The following ANK2 variants were observed in gnomAD, a reference collection of about 807,000 sequenced individuals.
ANK2 encodes ankyrin-2.
A neutral mutation model predicts 360.5 loss-of-function variants in ANK2; 83 were observed. That is an observed-to-expected ratio of 0.23 (90% confidence interval 0.19 to 0.28). The LOEUF is 0.28. Ranked by LOEUF, ANK2 falls within the 10% of genes least tolerant of loss-of-function variation. ANK2 has a pLI of 1.00. For synonymous variants in ANK2, 1,740 were observed against 1,759.5 expected, an observed-to-expected ratio of 0.99 and a Z score of 0.28; for missense variants, 4,201 against 4,795.7, an observed-to-expected ratio of 0.88 and a Z score of 3.66.
At chr4:113,366,600 T>G (rs964901675) in intron 41 of ANK2, among the ~76,000 whole-genome samples, 3 of 152,000 alleles carry the variant, frequency 2.0e-5, no homozygotes, top group Non-Finnish European at 4.4e-5. Flanking sequence ...TTCTCCTGTT[T>G]CAGGGCCCTG....
chr4:113,175,010 C>T (rs1454116802), intron 2 of ANK2, among the ~76,000 whole-genome samples: 1 of 152,018 alleles, frequency 6.6e-6, no homozygotes, highest in African/African-American at 2.4e-5. Context: ...TCATCATGTC[C>T]ATTTCATAAG....
At chr4:113,190,432 G>A (rs908420772) in intron 2 of ANK2, among the ~76,000 whole-genome samples, 3 of 151,732 alleles carry the variant, frequency 2.0e-5, no homozygotes, top group Non-Finnish European at 4.4e-5. Context: ...TAAATGCTGA[G>A]CTTGGCATGC....
At chr4:112,997,907 A>AT (rs34955779) in intron 2 of ANK2, among the ~76,000 whole-genome samples, 115 of 145,164 alleles carry the variant, frequency 7.9e-4, no homozygotes, top group South Asian at 2.2e-3. Flanking sequence ...ATTTTGGGCT[A>AT]TTTTTTTTTT....
the ANK2 span, among the ~76,000 whole-genome samples, chr4:112,749,893 C>A: frequency 0.59 from 89,317 of 151,488 alleles, 27,050 homozygotes; most frequent in East Asian, 0.92. Context: ...TTACAGGCGC[C>A]CACCACCACG....
intron 36 of ANK2, among the ~76,000 whole-genome samples, chr4:113,349,738 T>C (rs2095272684): frequency 6.6e-6 from 1 of 152,172 alleles, no homozygotes; most frequent in South Asian, 2.1e-4. Flanking sequence ...TCCTACTGAA[T>C]ACTTTCTGGA....
chr4:113,352,488 A>G (rs976532441), intron 37 of ANK2, among the ~76,000 whole-genome samples: 1 of 152,208 alleles, frequency 6.6e-6, no homozygotes, highest in African/African-American at 2.4e-5. Context: ...GTATATTGGT[A>G]GAACTAAACA....
At chr4:113,014,948 C>T (rs369006038) in intron 2 of ANK2, among the ~76,000 whole-genome samples, 10 of 150,524 alleles carry the variant, frequency 6.6e-5, no homozygotes, top group East Asian at 2.0e-4. Context: ...AAGCTCCGCC[C>T]GCCGGGTTCA....
At chr4:113,182,404 C>G (rs1470377699) in intron 2 of ANK2, among the ~76,000 whole-genome samples, 1 of 151,974 alleles carries the variant, frequency 6.6e-6, no homozygotes, top group Non-Finnish European at 1.5e-5. Context: ...TTTGGCATAC[C>G]CAGTGTATAG....
intron 31 of ANK2, among the ~76,000 whole-genome samples, chr4:113,338,543 C>CTTTTTTTTTTTTTTTTT (rs71582166): frequency 1.0e-5 from 1 of 96,118 alleles, no homozygotes. Flanking sequence ...AGATTGTTCA[C>CTTTTTTTTTTTTTTTTT]TTTTTTTTTT....
chr4:113,007,223 C>T lies in ANK2; in HGVS notation c.21+102709C>T, dbSNP rs115850606. 1.5e-3 allele frequency among the ~76,000 whole-genome samples: 233 copies of T among 152,218 alleles called. 1 individual carries two copies. The highest frequency in any genetic ancestry group is 4.7e-3 in the African/African-American group (196 of 41,544). ...TGCCCGATTTGAGTATTTTGTGCAG[C>T]GGTTAGTATAAATATTTTGACCTTC... On this transcript the variant is annotated intron_variant, in intron 2 of 30. Transcript: ENST00000503271.
At chr4:113,293,865 C>T (rs2069372370) in intron 22 of ANK2, among the ~76,000 whole-genome samples, 1 of 152,154 alleles carries the variant, frequency 6.6e-6, no homozygotes, top group South Asian at 2.1e-4. Flanking sequence ...ACACCTACCG[C>T]TGGCAAAGCG....
chr4:113,095,615 A>C (rs1430012862), intron 1 of ANK2, among the ~76,000 whole-genome samples: 1 of 152,214 alleles, frequency 6.6e-6, no homozygotes, highest in Non-Finnish European at 1.5e-5. Context: ...ATCACAAATT[A>C]GATTATGAGG....
chr4:113,118,621 T>G (rs1480391447), intron 1 of ANK2, among the ~76,000 whole-genome samples: 1 of 152,188 alleles, frequency 6.6e-6, no homozygotes, highest in Non-Finnish European at 1.5e-5. Flanking sequence ...TGATTTCCCT[T>G]CTGGGGAAAA....
At chr4:112,806,124 A>G in the ANK2 span, among the ~76,000 whole-genome samples, 1 of 152,128 alleles carries the variant, frequency 6.6e-6, no homozygotes, top group Non-Finnish European at 1.5e-5. Context: ...TGATTATAGT[A>G]ACCCTATTGT....
intron 1 of ANK2, among the ~76,000 whole-genome samples, chr4:112,899,479 G>A (rs1036808984): frequency 6.6e-6 from 1 of 152,062 alleles, no homozygotes; most frequent in East Asian, 1.9e-4. Flanking sequence ...AATTTTCTTA[G>A]CCATTAGCAT....
chr4:113,059,867 A>T (rs1322942753), intron 1 of ANK2, among the ~76,000 whole-genome samples: 1 of 152,144 alleles, frequency 6.6e-6, no homozygotes, highest in African/African-American at 2.4e-5. Flanking sequence ...TATTTAGGGC[A>T]TAGTGCTAAT....
Position 113,365,191 on chromosome 4 carries a change from GTGTGTGTGTA to G in ANK2, c.11032+19_11032+28del, listed in dbSNP as rs779269533. ...ACTGGATCATAGTGAAGGTCAAACT[GTGTGTGTGTA>G]TGTGTGTGTGTGTGTGTGTGTGTGT... On this transcript the variant is annotated intron_variant, in intron 41 of 45. Coordinates refer to ENST00000357077, the MANE Select transcript of ANK2 (RefSeq NM_001148.6). 7 of 1,550,838 alleles carry G rather than the reference GTGTGTGTGTA, an allele frequency of 4.5e-6. No homozygotes were observed. The African/African-American group carries it at 1.1e-4, about 24-fold the overall frequency.
chr4:113,240,058 CA>C (rs1254583345), intron 7 of ANK2, among the ~76,000 whole-genome samples: 1 of 151,850 alleles, frequency 6.6e-6, no homozygotes. Context: ...TTTTTTAAAA[CA>C]AAAATAAAAC....
intron 1 of ANK2, among the ~76,000 whole-genome samples, chr4:113,064,048 C>T (rs1235796673): frequency 6.6e-6 from 1 of 151,884 alleles, no homozygotes; most frequent in Non-Finnish European, 1.5e-5. Context: ...GTTGTGTTTG[C>T]TTTTTAACAG....
Sources: allele counts gnomAD v4.1 joint callset (sites outside exome capture counted in the v4.1 genomes callset), GRCh38; gene constraint gnomAD v4.1.1; transcripts MANE v1.5; gene names NCBI Gene and HGNC (gene_info 2026-07-23, HGNC 2026-07-21).